Variants in ASPH observed in about 807,000 individuals in gnomAD.
The protein encoded by ASPH is aspartyl/asparaginyl beta-hydroxylase.
In ASPH, 100 loss-of-function variants were observed where a neutral mutation model predicts 118.4. That is an observed-to-expected ratio of 0.84 (90% CI 0.72 to 1.00). The LOEUF (loss-of-function observed/expected upper bound fraction) is 1.00. ASPH is among the 50% of genes least tolerant of loss of function. The pLI, the probability that ASPH is intolerant of heterozygous loss-of-function variation, is 0.00. For synonymous variants in ASPH, 315 were observed against 325.6 expected, an observed-to-expected ratio of 0.97 and a Z score of 0.35; for missense variants, 920 against 919.5, an observed-to-expected ratio of 1.00 and a Z score of -0.01.
At position 61,695,609 on chromosome 8, in the gene ASPH, C is replaced by T. The variant is rs192087657; in HGVS notation, c.104-11421G>A. On this transcript the variant is annotated intron_variant, in intron 1 of 24. Coordinates refer to ENST00000379454, the MANE Select transcript of ASPH (RefSeq NM_004318.4). ...CTTCCCTTACTCTCACAGCAGTGTG[C>T]ACCTCTTTACCACGTTATTACACTG... Among the ~76,000 whole-genome samples the T allele has an allele frequency of 3.9e-5, 6 of 152,346 alleles. No individual in the cohort carries two copies. The South Asian group carries it at 1.2e-3, about 32-fold the overall frequency.
intron 1 of ASPH, 151 bp downstream of exon 1, chr8:61,714,118 C>T: frequency 1.5e-5 from 18 of 1,226,604 alleles, no homozygotes; most frequent in Non-Finnish European, 1.8e-5. Flanking sequence ...CGAATGCGGC[C>T]TCCGCCCCGC....
chr8:61,644,750 G>A (rs1807018021), intron 6 of ASPH, 118 bp from the exon 7 acceptor site: 1 of 693,010 alleles, frequency 1.4e-6, no homozygotes, highest in East Asian at 3.6e-5. Flanking sequence ...ATTAAAAAAT[G>A]GGACTATCAA....
intron 18 of ASPH, among the ~76,000 whole-genome samples, 169 bp downstream of exon 18, chr8:61,562,575 T>A (rs1031883660): frequency 6.6e-6 from 1 of 152,194 alleles, no homozygotes; most frequent in South Asian, 2.1e-4. Flanking sequence ...AATCTTCTGA[T>A]CTAGGAAGAA....
intron 1 of ASPH, among the ~76,000 whole-genome samples, chr8:61,694,299 A>G (rs556505100): frequency 6.6e-6 from 1 of 152,082 alleles, no homozygotes; most frequent in Non-Finnish European, 1.5e-5. Context: ...TGCCTTTGCC[A>G]GGTTTCCCTC....
At chr8:61,514,955 G>C (rs1360304250) in intron 24 of ASPH, among the ~76,000 whole-genome samples, 3 of 151,394 alleles carry the variant, frequency 2.0e-5, no homozygotes, top group Non-Finnish European at 2.9e-5. Flanking sequence ...CAGGGAGGCA[G>C]GAGGCGGGTG....
chr8:61,626,782 G>C (rs1410595095), intron 13 of ASPH, among the ~76,000 whole-genome samples: 1 of 151,168 alleles, frequency 6.6e-6, no homozygotes, highest in African/African-American at 2.4e-5. Context: ...ATAAATGGTT[G>C]ACAATAAAAG....
In ASPH at chr8:61,679,871, A is replaced by G. The variant is rs1827104376; in HGVS notation, c.322+1097T>C. ...ACAGGACTACATTGAAAATTTCATT[A>G]AAGTTAAGACAAGAAAAGAAATTTC... On this transcript the variant is annotated intron_variant, in intron 3 of 24. Coordinates refer to ENST00000379454, the MANE Select transcript of ASPH (RefSeq NM_004318.4). 2.6e-5 allele frequency among the ~76,000 whole-genome samples: 4 copies of G among 151,510 alleles called. No homozygotes were observed. The South Asian group carries it at 8.3e-4, about 32-fold the overall frequency.
intron 2 of ASPH, chr8:61,682,432 A>T (rs1390777979): frequency 1.9e-6 from 3 of 1,612,306 alleles, no homozygotes; most frequent in Non-Finnish European, 2.5e-6. Context: ...CAACTCCAAT[A>T]GCCTACCTTG....
chr8:61,680,877 T>A, intron 3 of ASPH, 91 bp downstream of exon 3: 8 of 1,091,250 alleles, frequency 7.3e-6, no homozygotes, highest in Non-Finnish European at 1.1e-5. Context: ...TCCTGTAAGA[T>A]ATATACTATT....
At chr8:61,585,050 C>A (rs192530393) in intron 14 of ASPH, among the ~76,000 whole-genome samples, 1 of 152,194 alleles carries the variant, frequency 6.6e-6, no homozygotes, top group Non-Finnish European at 1.5e-5. Context: ...ATCCTTCACG[C>A]GCTTATCTTA....
In ASPH at chr8:61,638,010, T is replaced by C. The variant is rs1403251848; in HGVS notation, c.833-7A>G. On this transcript the variant is annotated splice_polypyrimidine_tract_variant and splice_region_variant and intron_variant, in intron 11 of 24. Coordinates refer to ENST00000379454, the MANE Select transcript of ASPH (RefSeq NM_004318.4). ...TCAGGGGGAGCAGTTACTTCTAAAATAAAGAATAAAATCAGAATCCATTAC... is the reference window on the plus strand; with the variant it reads ...TCAGGGGGAGCAGTTACTTCTAAAACAAAGAATAAAATCAGAATCCATTAC... The C allele has an allele frequency of 5.0e-6, 8 of 1,605,290 alleles. No individual in the cohort carries two copies. Among genetic ancestry groups the C allele is most frequent in the Non-Finnish European group, 6.0e-6 (7 of 1,176,238 alleles).
intron 6 of ASPH, among the ~76,000 whole-genome samples, chr8:61,645,588 G>A (rs1807504564): frequency 6.6e-6 from 1 of 152,158 alleles, no homozygotes; most frequent in East Asian, 1.9e-4. Context: ...TCTGAAGGTA[G>A]TCTATAAGTG....
At chr8:61,712,390 A>G (rs546937656) in intron 1 of ASPH, among the ~76,000 whole-genome samples, 1 of 152,344 alleles carries the variant, frequency 6.6e-6, no homozygotes, top group Non-Finnish European at 1.5e-5. Context: ...GGCACACAGT[A>G]AGAACTCAGT....
At chr8:61,657,773 A>G (rs1345907614) in intron 3 of ASPH, 1 of 152,232 alleles carries the variant, frequency 6.6e-6, no homozygotes, top group Non-Finnish European at 1.5e-5. Flanking sequence ...CCTAAGAGTT[A>G]TAAGCAAGCC....
intron 21 of ASPH, among the ~76,000 whole-genome samples, chr8:61,543,391 G>T (rs938192493): frequency 6.6e-6 from 1 of 152,122 alleles, no homozygotes; most frequent in Non-Finnish European, 1.5e-5. Context: ...TAAATCTGGT[G>T]TTGAGCCCCC....
intron 1 of ASPH, among the ~76,000 whole-genome samples, chr8:61,699,756 T>A (rs1834798779): frequency 6.6e-6 from 1 of 152,140 alleles, no homozygotes; most frequent in Non-Finnish European, 1.5e-5. Flanking sequence ...ACTTAAAAAA[T>A]TTCTAAGAGA....
intron 1 of ASPH, among the ~76,000 whole-genome samples, chr8:61,706,806 T>C (rs1019348731): frequency 5.3e-5 from 8 of 152,204 alleles, no homozygotes; most frequent in Non-Finnish European, 2.9e-5. Flanking sequence ...TGCTTCTACA[T>C]GCCTGGAACA....
intron 1 of ASPH, 28 bp downstream of exon 1, chr8:61,714,241 C>G: frequency 6.8e-7 from 1 of 1,471,766 alleles, no homozygotes; most frequent in Non-Finnish European, 9.0e-7. Context: ...GGCGAGGCCC[C>G]AGATCCCCGC....
At chr8:61,598,642 A>T (rs1483931337) in intron 14 of ASPH, among the ~76,000 whole-genome samples, 1 of 152,232 alleles carries the variant, frequency 6.6e-6, no homozygotes, top group East Asian at 1.9e-4. Flanking sequence ...GACCAAATGG[A>T]CTTAACAGAC....
Sources: allele counts gnomAD v4.1 joint callset (sites outside exome capture counted in the v4.1 genomes callset), GRCh38; gene constraint gnomAD v4.1.1; transcripts MANE v1.5; gene names NCBI Gene and HGNC (gene_info 2026-07-23, HGNC 2026-07-21).